The following RABEP1 variants were observed in gnomAD, a reference collection of about 807,000 sequenced individuals.
RABEP1 encodes rabaptin, RAB GTPase binding effector protein 1.
In RABEP1, 51 loss-of-function variants were observed where a neutral mutation model predicts 123.4. The ratio of observed to expected loss-of-function variants is 0.41; its 90% CI spans 0.33 to 0.52. The LOEUF is 0.52. RABEP1 is among the 20% of genes least tolerant of loss of function. The pLI is 0.16. For synonymous variants in RABEP1, 347 were observed against 355.2 expected (o/e 0.98, Z 0.26); for missense variants, 888 against 996.3 (o/e 0.89, Z 1.46).
At chr17:5,381,207 A>T (rs1911419919) in intron 16 of RABEP1, among the ~76,000 whole-genome samples, 182 bp from the exon 17 acceptor site, 1 of 151,836 alleles carries the variant, frequency 6.6e-6, no homozygotes, top group African/African-American at 2.4e-5. Context: ...CTCAGGACTT[A>T]GAGCAAGTAG....
chr17:5,311,198 G>A (rs577353897), intron 2 of RABEP1, among the ~76,000 whole-genome samples: 1 of 152,272 alleles, frequency 6.6e-6, no homozygotes, highest in Admixed American at 6.5e-5. Context: ...CTAGGGCACT[G>A]GGATCCAGAG....
intron 1 of RABEP1, among the ~76,000 whole-genome samples, chr17:5,305,745 C>G (rs1206002852): frequency 6.6e-6 from 1 of 152,094 alleles, no homozygotes; most frequent in Non-Finnish European, 1.5e-5. Flanking sequence ...GTGGATTTAA[C>G]AATAAAAATA....
intron 7 of RABEP1, 51 bp downstream of exon 7, chr17:5,350,680 C>T (rs1908463305): frequency 1.3e-6 from 2 of 1,580,610 alleles, no homozygotes; most frequent in African/African-American, 2.7e-5. Flanking sequence ...TGTCCCCCAC[C>T]ACATGTGATT....
At chr17:5,313,292 C>G (rs1257548465) in intron 2 of RABEP1, among the ~76,000 whole-genome samples, 2 of 152,152 alleles carry the variant, frequency 1.3e-5, no homozygotes, top group Non-Finnish European at 2.9e-5. Flanking sequence ...AGTATTTTCT[C>G]TGGTGATAAG....
chr17:5,354,392 A>C lies in RABEP1; in HGVS notation c.997A>C (p.Lys333Gln). ...DDEQQRLNKR[K>Q]DHKKADVEEE... is the part of the protein sequence containing the mutation. ...TGAACAACAAAGACTCAATAAGAGA[A>C]AGGATCACAAAAAAGCAGATGTTGA... The change falls in exon 8 of 18, where the codon AAG (lysine) becomes CAG (glutamine). Residue 333 changes from lysine (K) to glutamine (Q), a missense_variant. Coordinates refer to ENST00000537505, the MANE Select transcript of RABEP1 (RefSeq NM_004703.6). 1 of 1,613,056 alleles carries C rather than the reference A, an allele frequency of 6.2e-7. No individual in the cohort carries two copies. The highest frequency in any genetic ancestry group is 1.1e-5 in the South Asian group (1 of 90,950).
intron 6 of RABEP1, among the ~76,000 whole-genome samples, chr17:5,348,794 C>G (rs964624205): frequency 2.6e-5 from 4 of 152,142 alleles, no homozygotes; most frequent in Admixed American, 2.6e-4. Flanking sequence ...ATCCCCTGAC[C>G]TCGTGATCCG....
chr17:5,312,739 G>C (rs559721068), intron 2 of RABEP1, among the ~76,000 whole-genome samples: 106 of 152,270 alleles, frequency 7.0e-4, no homozygotes, highest in South Asian at 4.6e-3. Context: ...TCCCAAGAAA[G>C]AATAGTCTAC....
intron 1 of RABEP1, among the ~76,000 whole-genome samples, chr17:5,294,642 T>TTTTTTTTTTTTC (rs2075064464): frequency 2.4e-5 from 1 of 42,112 alleles, no homozygotes; most frequent in African/African-American, 1.2e-4. Context: ...TCTTTTTTTT[T>TTTTTTTTTTTTC]TTTTTTTTTT....
intron 2 of RABEP1, among the ~76,000 whole-genome samples, chr17:5,322,833 G>A (rs1187375848): frequency 6.6e-6 from 1 of 152,220 alleles, no homozygotes; most frequent in Non-Finnish European, 1.5e-5. Flanking sequence ...CCAACACTTT[G>A]GGAGGCCGAG....
intron 13 of RABEP1, among the ~76,000 whole-genome samples, chr17:5,374,530 G>A (rs574952044): frequency 2.0e-5 from 3 of 150,410 alleles, no homozygotes; most frequent in East Asian, 2.0e-4. Flanking sequence ...TCCGCCTCCT[G>A]GGTTCAAGTG....
intron 14 of RABEP1, 62 bp from the exon 15 acceptor site, chr17:5,378,115 G>GA: frequency 2.2e-6 from 3 of 1,368,440 alleles, no homozygotes; most frequent in East Asian, 2.3e-5. Context: ...AAATTTTAAA[G>GA]AAAAAAATGT....
At chr17:5,369,566 A>G (rs751763459) in intron 12 of RABEP1, among the ~76,000 whole-genome samples, 20 of 152,206 alleles carry the variant, frequency 1.3e-4, no homozygotes, top group Non-Finnish European at 2.4e-4. Flanking sequence ...TCATTGACCC[A>G]TAGTTTCATG....
At chr17:5,295,220 A>C (rs1169558461) in intron 1 of RABEP1, among the ~76,000 whole-genome samples, 1 of 149,440 alleles carries the variant, frequency 6.7e-6, no homozygotes, top group Non-Finnish European at 1.5e-5. Context: ...CGTCTCTACT[A>C]AAAAAAAATA....
intron 1 of RABEP1, among the ~76,000 whole-genome samples, chr17:5,290,126 C>T (rs575918635): frequency 4.6e-5 from 7 of 152,274 alleles, no homozygotes; most frequent in South Asian, 4.1e-4. Context: ...CTCGCTCTGT[C>T]GCCCAGGCTA....
chr17:5,369,361 T>C (rs1420202202), intron 12 of RABEP1, among the ~76,000 whole-genome samples: 1 of 152,186 alleles, frequency 6.6e-6, no homozygotes, highest in Admixed American at 6.5e-5. Context: ...TCCAACTAAA[T>C]TAAAGTAGAG....
chr17:5,283,511 T>G (rs1307190807), intron 1 of RABEP1, among the ~76,000 whole-genome samples: 1 of 152,182 alleles, frequency 6.6e-6, no homozygotes, highest in Non-Finnish European at 1.5e-5. Flanking sequence ...CTTGGGCTTT[T>G]CCAAGGTCCC....
intron 1 of RABEP1, among the ~76,000 whole-genome samples, chr17:5,293,290 C>T (rs1346709101): frequency 6.6e-6 from 1 of 151,030 alleles, no homozygotes; most frequent in Non-Finnish European, 1.5e-5. Flanking sequence ...TCTGTCTCCC[C>T]CCTCAAAAAA....
chr17:5,332,707 C>A (rs776820072), intron 3 of RABEP1, among the ~76,000 whole-genome samples: 1 of 150,644 alleles, frequency 6.6e-6, no homozygotes, highest in Non-Finnish European at 1.5e-5. Context: ...CTCCCGGGCT[C>A]AAGCGATTCT....
intron 13 of RABEP1, 122 bp from the exon 14 acceptor site, chr17:5,376,994 G>A: frequency 9.6e-7 from 1 of 1,039,110 alleles, no homozygotes; most frequent in Non-Finnish European, 1.4e-6. Context: ...TGGCTTAATG[G>A]TCAAAGTCTT....
Sources: gnomAD v4.1 joint callset for allele counts (sites outside exome capture counted in the v4.1 genomes callset) on GRCh38, gnomAD v4.1.1 for gene constraint, MANE v1.5 for transcripts, NCBI Gene and HGNC (gene_info 2026-07-23, HGNC 2026-07-21) for gene names.